The following SLC4A10 variants were observed in gnomAD, a reference collection of about 807,000 sequenced individuals.
SLC4A10 encodes the protein solute carrier family 4 member 10, also known as sodium-driven chloride bicarbonate exchanger.
SLC4A10 carries 42 observed loss-of-function variants against 137.7 expected under a neutral mutation model. The observed-to-expected ratio is 0.30, with a 90% CI of 0.24 to 0.39. The LOEUF (loss-of-function observed/expected upper bound fraction) is 0.39, where lower values mean the gene tolerates loss of function less well. SLC4A10 is among the 10% of genes least tolerant of loss of function. SLC4A10 has a pLI of 1.00. For missense variants in SLC4A10, 925 were observed against 1,355.0 expected, an observed-to-expected ratio of 0.68 and a Z score of 4.98; for synonymous variants, 474 against 464.1, an observed-to-expected ratio of 1.02 and a Z score of -0.27.
chr2:161,782,226 A>G (rs542756409), intron 2 of SLC4A10, among the ~76,000 whole-genome samples: 1 of 152,062 alleles, frequency 6.6e-6, no homozygotes, highest in African/African-American at 2.4e-5. Flanking sequence ...TGAAATCCCA[A>G]AGAATTCAGT....
intron 15 of SLC4A10, among the ~76,000 whole-genome samples, chr2:161,910,016 A>C (rs1387573282): frequency 4.6e-5 from 7 of 152,144 alleles, no homozygotes; most frequent in Admixed American, 3.9e-4. Context: ...AATTCCTAGA[A>C]AATGTTATAG....
At chr2:161,910,033 C>A (rs1685453992) in intron 15 of SLC4A10, among the ~76,000 whole-genome samples, 1 of 152,088 alleles carries the variant, frequency 6.6e-6, no homozygotes, top group Non-Finnish European at 1.5e-5. Context: ...ATAGCTAGAA[C>A]ATAATATATC....
At chr2:161,966,413 T>C (rs1697590759) in intron 23 of SLC4A10, among the ~76,000 whole-genome samples, 1 of 152,214 alleles carries the variant, frequency 6.6e-6, no homozygotes, top group East Asian at 1.9e-4. Context: ...TTATTTATTT[T>C]TCTGTTTGAT....
chr2:161,857,213 A>G (rs971316606), intron 5 of SLC4A10, among the ~76,000 whole-genome samples: 3 of 152,206 alleles, frequency 2.0e-5, no homozygotes, highest in Admixed American at 1.3e-4. Context: ...TGTGAAGGTT[A>G]ACTGGGTTAA....
intron 2 of SLC4A10, among the ~76,000 whole-genome samples, chr2:161,803,296 T>A (rs1422457413): frequency 2.6e-5 from 4 of 152,156 alleles, no homozygotes; most frequent in Non-Finnish European, 5.9e-5. Context: ...CTGCACACAA[T>A]TTCTTCTCTT....
At chr2:161,796,535 T>A (rs1174766738) in intron 2 of SLC4A10, among the ~76,000 whole-genome samples, 1 of 152,152 alleles carries the variant, frequency 6.6e-6, no homozygotes, top group East Asian at 1.9e-4. Context: ...CCTTCAAACC[T>A]CTGTGTCACA....
chr2:161,966,098 T>C lies in SLC4A10; in HGVS notation c.3159+925T>C, dbSNP rs182177710. Among the ~76,000 whole-genome samples the C allele has an allele frequency of 1.2e-3, 185 of 152,336 alleles. 1 individual carries two copies. The highest frequency in any genetic ancestry group is 2.1e-3 in the Non-Finnish European group (142 of 68,014). On this transcript the variant is annotated intron_variant, in intron 23 of 26. Transcript: ENST00000446997. Reference sequence around the variant, plus strand: ...TTCCTATTTCCTTTGGGGAATTCATTTGCAGATGTTTCAGAGGTCTTAGTC... The same window carrying C: ...TTCCTATTTCCTTTGGGGAATTCATCTGCAGATGTTTCAGAGGTCTTAGTC...
At chr2:161,836,534 A>G (rs60867630) in intron 3 of SLC4A10, among the ~76,000 whole-genome samples, 2,890 of 11,550 alleles carry the variant, frequency 0.25, 215 homozygotes, top group East Asian at 0.56. Flanking sequence ...GAGAGAGAGA[A>G]AGAAAGAAAG....
At chr2:161,781,355 T>TA (rs2052992842) in intron 2 of SLC4A10, among the ~76,000 whole-genome samples, 1 of 152,060 alleles carries the variant, frequency 6.6e-6, no homozygotes, top group Non-Finnish European at 1.5e-5. Flanking sequence ...ATCTTCCACT[T>TA]ATGTCCTTTA....
intron 1 of SLC4A10, among the ~76,000 whole-genome samples, chr2:161,636,543 C>T (rs2034421322): frequency 6.6e-6 from 1 of 151,996 alleles, no homozygotes; most frequent in African/African-American, 2.4e-5. Flanking sequence ...TACAGGCGCC[C>T]GCCACCATAT....
intron 1 of SLC4A10, among the ~76,000 whole-genome samples, chr2:161,712,671 A>G (rs928825864): frequency 1.3e-5 from 2 of 151,864 alleles, no homozygotes; most frequent in Non-Finnish European, 2.9e-5. Context: ...TATTTAATGT[A>G]AAAACATTTA....
intron 15 of SLC4A10, among the ~76,000 whole-genome samples, chr2:161,930,233 A>T (rs1320988185): frequency 2.6e-5 from 4 of 152,164 alleles, no homozygotes; most frequent in Non-Finnish European, 4.4e-5. Context: ...CAGAAATCAC[A>T]TGCACTGCTG....
At chr2:161,975,011 AAG>A (rs1699158628) in intron 24 of SLC4A10, among the ~76,000 whole-genome samples, 2 of 152,148 alleles carry the variant, frequency 1.3e-5, no homozygotes, top group African/African-American at 4.8e-5. Flanking sequence ...TGAATAATTT[AAG>A]GTTATGCCAA....
intron 2 of SLC4A10, among the ~76,000 whole-genome samples, chr2:161,799,983 A>G (rs2055194781): frequency 6.6e-6 from 1 of 152,124 alleles, no homozygotes. Context: ...GTTATATACA[A>G]TAAGCAAATC....
chr2:161,912,341 A>G (rs942053386), intron 15 of SLC4A10, among the ~76,000 whole-genome samples: 36 of 152,124 alleles, frequency 2.4e-4, no homozygotes, highest in African/African-American at 8.4e-4. Context: ...TCCTTTAAAG[A>G]AGTTTAAATA....
At chr2:161,683,017 G>T (rs1003209866) in intron 1 of SLC4A10, among the ~76,000 whole-genome samples, 2 of 151,884 alleles carry the variant, frequency 1.3e-5, no homozygotes, top group African/African-American at 4.8e-5. Flanking sequence ...ATATAAATAA[G>T]TTTACAACAA....
chr2:161,916,648 T>G (rs1687174500), intron 15 of SLC4A10, among the ~76,000 whole-genome samples: 1 of 152,186 alleles, frequency 6.6e-6, no homozygotes, highest in Non-Finnish European at 1.5e-5. Context: ...CCTGCTACTT[T>G]GCCCTTCTGC....
In SLC4A10 at chr2:161,984,331, A is replaced by T. The variant is rs1388651664; in HGVS notation, c.*1179A>T. ...AATAATACATCTTTACTAAACTTAT[A>T]TAAGGGGAGAGAAAGTTATGAAGTT... On this transcript the variant is annotated 3_prime_UTR_variant, in exon 27 of 27. Transcript: ENST00000446997. 6.6e-6 allele frequency: 1 copy of T among 152,200 alleles called. No individual in the cohort carries two copies. The highest frequency in any genetic ancestry group is 1.9e-4 in the East Asian group (1 of 5,204). The allele number at this position is 152,200 out of a possible 1,614,324, so 9.4% of individuals were successfully genotyped here.
At chr2:161,966,861 C>CTTTTTT (rs1449471149) in intron 23 of SLC4A10, among the ~76,000 whole-genome samples, 2 of 152,050 alleles carry the variant, frequency 1.3e-5, no homozygotes, top group African/African-American at 4.8e-5. Context: ...TAATTTGGCA[C>CTTTTTT]AAGTTAAATT....
Sources: allele counts gnomAD v4.1 joint callset (sites outside exome capture counted in the v4.1 genomes callset), GRCh38; gene constraint gnomAD v4.1.1; transcripts MANE v1.5; gene names NCBI Gene and HGNC (gene_info 2026-07-23, HGNC 2026-07-21).